Variants in PARD3B observed in about 807,000 individuals in gnomAD.
PARD3B encodes the protein par-3 family cell polarity regulator beta, also known as partitioning defective 3 homolog B.
In PARD3B, 103 loss-of-function variants were observed where a neutral mutation model predicts 130.2. That is an observed-to-expected ratio of 0.79 (90% CI 0.67 to 0.93). PARD3B has a LOEUF of 0.93. Ranked by LOEUF, PARD3B falls within the 40% of genes least tolerant of loss-of-function variation. PARD3B has a pLI of 0.00. For synonymous variants in PARD3B, 583 were observed against 553.2 expected (o/e 1.05, Z -0.76); for missense variants, 1,609 against 1,499.2 (o/e 1.07, Z -1.21).
chr2:205,203,916 T>G (rs1428931354), intron 15 of PARD3B, among the ~76,000 whole-genome samples: 1 of 152,188 alleles, frequency 6.6e-6, no homozygotes, highest in African/African-American at 2.4e-5. Context: ...TAAACATACG[T>G]GTACATGTCT....
At chr2:204,855,409 G>A (rs970797349) in intron 2 of PARD3B, among the ~76,000 whole-genome samples, 2 of 151,858 alleles carry the variant, frequency 1.3e-5, no homozygotes, top group Non-Finnish European at 2.9e-5. Context: ...GGGTGTGGTA[G>A]CGTGTACCTG....
chr2:205,550,955 G>GTGTGTATATATATATATATATATA lies in PARD3B; in HGVS notation c.3181-2368_3181-2367insGTGTATATATATATATATATATAT, dbSNP rs796567936. 3.3e-4 allele frequency among the ~76,000 whole-genome samples: 31 copies of GTGTGTATATATATATATATATATA among 94,448 alleles called. No individual in the cohort carries two copies. Among genetic ancestry groups the GTGTGTATATATATATATATATATA allele is most frequent in the African/African-American group, 5.3e-4 (14 of 26,404 alleles). 62.0% of individuals were successfully genotyped at this position (94,448 alleles called of 152,430 possible). On this transcript the variant is annotated intron_variant, in intron 21 of 22. Coordinates refer to ENST00000406610, the MANE Select transcript of PARD3B (RefSeq NM_001302769.2). The surrounding 1 kb of genome is among the most constrained non-coding windows in gnomAD (Gnocchi z 4.5). The stretch of plus-strand genomic sequence containing the variant: ...TGTGTGTGTGTGTATATATATATGT[G>GTGTGTATATATATATATATATATA]TATATATATATATATATATATACAC...
Position 205,176,464 on chromosome 2 carries a change from C to T in PARD3B, c.1811C>T (p.Ala604Val), listed in dbSNP as rs757929906. ...RPMEDPAECG[A>V]FSKPCFENCQ... ...TCTTAGGATCCTGCAGAGTGTGGGG[C>T]ATTTTCCAAGCCATGCTTTGAGAAC... is the stretch of plus-strand genomic sequence containing the variant. Residue 604 changes from alanine (A) to valine (V), a missense_variant, in exon 13 of 23, where the codon GCA becomes GTA. Transcript: ENST00000406610. The surrounding 1 kb of genome is among the most constrained non-coding windows in gnomAD (Gnocchi z 5.3). 2.5e-6 allele frequency: 4 copies of T among 1,610,074 alleles called. No individual in the cohort carries two copies. Among genetic ancestry groups the T allele is most frequent in the Non-Finnish European group, 3.4e-6 (4 of 1,178,526 alleles).
At chr2:205,197,247 A>AT (rs1396100276) in intron 15 of PARD3B, among the ~76,000 whole-genome samples, 1 of 152,010 alleles carries the variant, frequency 6.6e-6, no homozygotes, top group African/African-American at 2.4e-5. Context: ...TTAGTAAGTG[A>AT]TTTTAAGGCC....
intron 18 of PARD3B, among the ~76,000 whole-genome samples, chr2:205,363,525 G>C (rs545762473): frequency 6.6e-6 from 1 of 152,288 alleles, no homozygotes; most frequent in African/African-American, 2.4e-5. Flanking sequence ...CTGCTTGCAA[G>C]TAAGAAAGCA....
intron 3 of PARD3B, among the ~76,000 whole-genome samples, chr2:205,031,716 AT>A (rs1168725575): frequency 6.6e-6 from 1 of 152,142 alleles, no homozygotes; most frequent in Non-Finnish European, 1.5e-5. Context: ...AGGTAGTGAA[AT>A]TGAGGCAAAA....
intron 2 of PARD3B, among the ~76,000 whole-genome samples, chr2:204,779,073 C>G (rs540493431): frequency 6.6e-6 from 1 of 152,238 alleles, no homozygotes; most frequent in South Asian, 2.1e-4. Context: ...CTTGCAACAT[C>G]TGCACTTCTA....
At chr2:204,898,299 T>C (rs946680138) in intron 2 of PARD3B, among the ~76,000 whole-genome samples, 1 of 152,112 alleles carries the variant, frequency 6.6e-6, no homozygotes, top group African/African-American at 2.4e-5. Context: ...TATTTTTTTA[T>C]GTTACATACA....
At chr2:205,005,407 G>A (rs1245106308) in intron 3 of PARD3B, among the ~76,000 whole-genome samples, 1 of 152,060 alleles carries the variant, frequency 6.6e-6, no homozygotes, top group Non-Finnish European at 1.5e-5. Flanking sequence ...TGAGAAATAA[G>A]TATTAAAAGG....
chr2:204,734,955 AG>A (rs2039682490), intron 2 of PARD3B, among the ~76,000 whole-genome samples: 1 of 152,104 alleles, frequency 6.6e-6, no homozygotes, highest in Non-Finnish European at 1.5e-5. Context: ...GAAAAGAGGT[AG>A]GGGTGATGGG....
In PARD3B at chr2:205,568,351, G is replaced by A. The variant is rs532651747; in HGVS notation, c.3260+14948G>A. 6.6e-5 allele frequency among the ~76,000 whole-genome samples: 10 copies of A among 152,328 alleles called. No homozygotes were observed. In the South Asian group the frequency reaches 2.1e-3, roughly 32 times the overall value. On this transcript the variant is annotated intron_variant, in intron 22 of 22. Coordinates refer to ENST00000406610, the MANE Select transcript of PARD3B (RefSeq NM_001302769.2). The surrounding 1 kb of genome is among the most constrained non-coding windows in gnomAD (Gnocchi z 5.3). ...ACAGTGAATGCCAATAGCACCAACA[G>A]AGCAACCCAAGAGAATAACTCTAGA...
intron 10 of PARD3B, among the ~76,000 whole-genome samples, chr2:205,138,172 A>T (rs2032649279): frequency 6.6e-6 from 1 of 152,196 alleles, no homozygotes; most frequent in East Asian, 1.9e-4. Flanking sequence ...AATTCCGTTC[A>T]TGAATTTCTT....
rs375433992 is a variant in PARD3B, at chr2:204,613,505, GAC to G, written c.120+67392_120+67393del. Among the ~76,000 whole-genome samples the G allele has an allele frequency of 4.8e-3, 723 of 152,204 alleles. 5 individuals carry two copies. Among genetic ancestry groups the G allele is most frequent in the African/African-American group, 0.016 (675 of 41,550 alleles). On this transcript the variant is annotated intron_variant, in intron 1 of 22. Coordinates refer to ENST00000406610, the MANE Select transcript of PARD3B (RefSeq NM_001302769.2). Reference sequence around the variant, plus strand: ...TTCTTTATCCTTCGCCTATTCTCAAGACACACAGTTTTTCAGTTGTTCTCTTT... The same window carrying G: ...TTCTTTATCCTTCGCCTATTCTCAAGACACAGTTTTTCAGTTGTTCTCTTT...
intron 16 of PARD3B, among the ~76,000 whole-genome samples, chr2:205,264,523 A>G (rs1380345646): frequency 6.6e-6 from 1 of 151,210 alleles, no homozygotes; most frequent in African/African-American, 2.4e-5. Context: ...AGAGGATCTT[A>G]AACAGAAAAA....
chr2:205,170,760 G>T (rs372138100), intron 11 of PARD3B, among the ~76,000 whole-genome samples: 1 of 150,570 alleles, frequency 6.6e-6, no homozygotes, highest in South Asian at 2.1e-4. Flanking sequence ...TGTTCATTGT[G>T]TGTGTCTGGC....
chr2:205,042,682 G>A (rs1442416473), intron 3 of PARD3B, among the ~76,000 whole-genome samples: 3 of 151,948 alleles, frequency 2.0e-5, no homozygotes, highest in Non-Finnish European at 2.9e-5. Context: ...AATAAGCCAC[G>A]TATAACCTAC....
chr2:205,069,622 T>C (rs1389397549), intron 4 of PARD3B, among the ~76,000 whole-genome samples: 1 of 152,064 alleles, frequency 6.6e-6, no homozygotes, highest in Non-Finnish European at 1.5e-5. Flanking sequence ...CTTACTGTGA[T>C]ACAACAAGCA....
chr2:204,975,141 G>A (rs934592910), intron 3 of PARD3B, among the ~76,000 whole-genome samples: 2 of 152,164 alleles, frequency 1.3e-5, no homozygotes, highest in African/African-American at 2.4e-5. Context: ...GACTCTTCAT[G>A]TGTACCATTA....
At chr2:205,427,742 C>T (rs914788169) in intron 19 of PARD3B, among the ~76,000 whole-genome samples, 29 of 151,654 alleles carry the variant, frequency 1.9e-4, no homozygotes, top group African/African-American at 6.8e-4. Flanking sequence ...AAAAACAATC[C>T]CTAAAAACTG....
Sources: gnomAD v4.1 joint callset for allele counts (sites outside exome capture counted in the v4.1 genomes callset) on GRCh38, gnomAD v4.1.1 for gene constraint, Gnocchi (gnomAD v3.1) non-coding constraint, MANE v1.5 for transcripts, NCBI Gene and HGNC (gene_info 2026-07-23, HGNC 2026-07-21) for gene names.